The following ESCO1 variants were observed in gnomAD, a reference collection of about 807,000 sequenced individuals.
ESCO1 encodes N-acetyltransferase ESCO1.
In ESCO1, 33 loss-of-function variants were observed where a neutral mutation model predicts 83.5. The observed-to-expected ratio is 0.40, with a 90% CI of 0.30 to 0.53. The LOEUF is 0.53. Among genes scored for constraint, ESCO1 ranks in the 20% least tolerant of loss-of-function variants. ESCO1 has a pLI of 0.63. For missense variants in ESCO1, 855 were observed against 968.0 expected, an observed-to-expected ratio of 0.88 and a Z score of 1.55; for synonymous variants, 332 against 324.3, an observed-to-expected ratio of 1.02 and a Z score of -0.25.
At chr18:21,564,618 G>A (rs1053856163) in intron 6 of ESCO1, among the ~76,000 whole-genome samples, 9 of 151,256 alleles carry the variant, frequency 6.0e-5, no homozygotes, top group Admixed American at 3.9e-4. Flanking sequence ...GGATGGTCTC[G>A]ATCTCCTGAC....
At chr18:21,588,209 AACAG>A (rs1445386084) in intron 1 of ESCO1, among the ~76,000 whole-genome samples, 9 of 152,210 alleles carry the variant, frequency 5.9e-5, no homozygotes, top group Non-Finnish European at 1.5e-5. Flanking sequence ...AGGATAAACA[AACAG>A]ACCAATGGAA....
chr18:21,557,631 G>T (rs1435436033), intron 8 of ESCO1, among the ~76,000 whole-genome samples: 3 of 152,188 alleles, frequency 2.0e-5, no homozygotes, highest in Non-Finnish European at 4.4e-5. Context: ...CATTCACTCA[G>T]ATGTGAATTA....
At chr18:21,558,708 C>T (rs1305787127) in intron 8 of ESCO1, among the ~76,000 whole-genome samples, 1 of 129,072 alleles carries the variant, frequency 7.7e-6, no homozygotes, top group Non-Finnish European at 1.6e-5. Flanking sequence ...GCCTGGGTGA[C>T]ACAGCAAGAC....
chr18:21,534,558 T>C (rs917197301), intron 10 of ESCO1, among the ~76,000 whole-genome samples: 1 of 152,154 alleles, frequency 6.6e-6, no homozygotes, highest in African/African-American at 2.4e-5. Flanking sequence ...TTTGTACAAG[T>C]TGGCTCCTAA....
intron 10 of ESCO1, among the ~76,000 whole-genome samples, chr18:21,535,391 TC>T (rs1295706482): frequency 6.7e-5 from 10 of 149,788 alleles, no homozygotes; most frequent in African/African-American, 9.8e-5. Context: ...TTTTTTTTTT[TC>T]TTTTTTTTTT....
chr18:21,567,380 G>A (rs747482402), intron 5 of ESCO1, among the ~76,000 whole-genome samples: 16 of 152,006 alleles, frequency 1.1e-4, no homozygotes, highest in Admixed American at 5.9e-4. Context: ...GGCCAGGCTG[G>A]TCTCGAACTC....
At chr18:21,564,116 A>T in intron 7 of ESCO1, 87 bp downstream of exon 7, 1 of 863,362 alleles carries the variant, frequency 1.2e-6, no homozygotes, top group South Asian at 1.6e-5. Flanking sequence ...AAAAATTACC[A>T]ACCTCAGATA....
intron 1 of ESCO1, among the ~76,000 whole-genome samples, chr18:21,596,345 C>T (rs2038766624): frequency 6.6e-6 from 1 of 152,068 alleles, no homozygotes; most frequent in African/African-American, 2.4e-5. Context: ...AGAAACACTG[C>T]ATTAAAGTAA....
intron 8 of ESCO1, among the ~76,000 whole-genome samples, chr18:21,551,302 C>G (rs1412360209): frequency 6.6e-6 from 1 of 151,718 alleles, no homozygotes; most frequent in Non-Finnish European, 1.5e-5. Flanking sequence ...AACCCTGTCT[C>G]TACTAAAAAT....
chr18:21,597,814 T>A (rs1009234140), intron 1 of ESCO1, among the ~76,000 whole-genome samples: 1 of 152,188 alleles, frequency 6.6e-6, no homozygotes, highest in Non-Finnish European at 1.5e-5. Context: ...GCAGAGGATA[T>A]AAATCTTCCT....
chr18:21,547,150 T>C (rs76114885), intron 8 of ESCO1, among the ~76,000 whole-genome samples: 1 of 152,166 alleles, frequency 6.6e-6, no homozygotes, highest in African/African-American at 2.4e-5. Context: ...TATAATACCC[T>C]GTATATCCTA....
Position 21,568,007 on chromosome 18 carries a change from T to G in ESCO1, c.1618A>C (p.Ile540Leu), listed in dbSNP as rs770407414. The G allele has an allele frequency of 1.2e-6, 2 of 1,613,360 alleles. No homozygotes were observed. Among genetic ancestry groups the G allele is most frequent in the South Asian group, 1.1e-5 (1 of 90,968 alleles). The change falls in exon 5 of 12, where the codon ATT becomes CTT. Residue 540 changes from isoleucine (I) to leucine (L), a missense_variant. Transcript: ENST00000269214. ...AASTLLSQAK[I>L]DTGENKFPGS... is the part of the protein sequence containing the mutation. ...GGAAATTTATTCTCTCCTGTATCAA[T>G]TTTTGCTTGACTGAGCAGAGTCGAA...
intron 8 of ESCO1, among the ~76,000 whole-genome samples, chr18:21,554,301 A>G (rs990152971): frequency 3.9e-5 from 6 of 152,256 alleles, no homozygotes; most frequent in Non-Finnish European, 5.9e-5. Context: ...GTATTTACCA[A>G]AAAGAGCTGA....
chr18:21,567,591 T>C (rs1419659233), intron 5 of ESCO1, among the ~76,000 whole-genome samples: 1 of 152,064 alleles, frequency 6.6e-6, no homozygotes, highest in Non-Finnish European at 1.5e-5. Context: ...ATCATTCAGA[T>C]GGAAAACTGA....
intron 7 of ESCO1, among the ~76,000 whole-genome samples, chr18:21,563,617 G>C (rs545387568): frequency 6.6e-6 from 1 of 152,198 alleles, no homozygotes; most frequent in South Asian, 2.1e-4. Context: ...CAAAGTGCTG[G>C]GATTATAGGC....
Position 21,530,064 on chromosome 18 carries a change from T to C in ESCO1, c.*279A>G. 1 of 261,274 alleles carries C rather than the reference T, an allele frequency of 3.8e-6. No individual in the cohort carries two copies. Among genetic ancestry groups the C allele is most frequent in the East Asian group, 7.1e-5 (1 of 14,002 alleles). 16.2% of individuals were successfully genotyped at this position (261,274 alleles called of 1,614,324 possible). ...GTCCTTGCATTAGTTTTCAGTCCAC[T>C]ATGAACAATTATCTGCTGCATGTAA... On this transcript the variant is annotated 3_prime_UTR_variant, in exon 12 of 12. Transcript: ENST00000269214.
chr18:21,574,298 T>C lies in ESCO1; in HGVS notation c.546A>G (p.Val182=), dbSNP rs1338412814. ...QKHVKRKVLE[V]KSDSKEDENL... Reference sequence around the variant, plus strand: ...TTTCATCTTCTTTAGAGTCAGACTTTACTTCCAGTACTTTTCTCTTCACAT... The same window carrying C: ...TTTCATCTTCTTTAGAGTCAGACTTCACTTCCAGTACTTTTCTCTTCACAT... Residue 182 remains valine, a synonymous_variant, in exon 4 of 12, where the codon GTA becomes GTG. Coordinates refer to ENST00000269214, the MANE Select transcript of ESCO1 (RefSeq NM_052911.3). 1.2e-6 allele frequency: 2 copies of C among 1,613,740 alleles called. No individual in the cohort carries two copies. Among genetic ancestry groups the C allele is most frequent in the South Asian group, 1.1e-5 (1 of 91,064 alleles).
At chr18:21,532,368 CAAAT>C in intron 11 of ESCO1, 101 bp downstream of exon 11, 1 of 1,254,074 alleles carries the variant, frequency 8.0e-7, no homozygotes, top group Non-Finnish European at 1.1e-6. Context: ...GTAATTAATA[CAAAT>C]AAAGATTATA....
chr18:21,565,938 T>C (rs943406840), intron 6 of ESCO1, among the ~76,000 whole-genome samples: 2 of 151,504 alleles, frequency 1.3e-5, no homozygotes, highest in African/African-American at 4.9e-5. Flanking sequence ...CTCTAAAAAA[T>C]AAATAAATAA....
Sources: gnomAD v4.1 joint callset for allele counts (sites outside exome capture counted in the v4.1 genomes callset) on GRCh38, gnomAD v4.1.1 for gene constraint, MANE v1.5 for transcripts, NCBI Gene and HGNC (gene_info 2026-07-23, HGNC 2026-07-21) for gene names.